IPO4: variants seen among roughly 807,000 people sequenced by gnomAD.
IPO4 encodes the protein importin-4.
Under a neutral mutation model 133.5 loss-of-function variants are expected in IPO4, and 91 were observed. That is an observed-to-expected ratio of 0.68 (90% CI 0.58 to 0.81). IPO4 has a LOEUF of 0.81. Among genes scored for constraint, IPO4 ranks in the 30% least tolerant of loss-of-function variants. The pLI is 0.00. For synonymous variants in IPO4, 607 were observed against 581.6 expected (o/e 1.04, Z -0.63); for missense variants, 1,279 against 1,386.2 (o/e 0.92, Z 1.23).
At position 24,186,977 on chromosome 14, in the gene IPO4, T is replaced by C. The variant is rs779935245; in HGVS notation, c.657A>G (p.Ala219=). The C allele has an allele frequency of 2.5e-6, 4 of 1,614,076 alleles. No homozygotes were observed. The highest frequency in any genetic ancestry group is 3.4e-6 in the Non-Finnish European group (4 of 1,179,930). Residue 219 remains alanine, a splice_region_variant and synonymous_variant, in exon 8 of 30, where the codon GCA becomes GCG. Coordinates refer to ENST00000354464, the MANE Select transcript of IPO4 (RefSeq NM_024658.4). ...AAGCCTCAAGGGCCTCACAGGCCTT[T>C]GCCTGACAGACAAACAAGGCACAAG... ...AMQTLIPIDE[A]KACEALEALD...
rs945051226 is a variant in IPO4 at position 24,185,197 on chromosome 14, A to C, written c.1394T>G (p.Phe465Cys). 3.7e-6 allele frequency: 6 copies of C among 1,613,900 alleles called. No individual in the cohort carries two copies. The African/African-American group carries it at 8.0e-5, about 22-fold the overall frequency. ...GCCATCACTACCTAGGTTCTCCACA[A>C]AATTCTCCAGGGCATAGCAGGCCTT... ...LAKACYALEN[F>C]VENLGPKVQP... Residue 465 changes from phenylalanine (F) to cysteine (C), a missense_variant, in exon 14 of 30, where the codon TTT (phenylalanine) becomes TGT (cysteine). Physicochemically the swap from Phe to Cys is radical, Grantham distance 205 (BLOSUM62 -2). Coordinates refer to ENST00000354464, the MANE Select transcript of IPO4 (RefSeq NM_024658.4).
rs373722960 is a variant in IPO4, at chr14:24,182,809, C to T, written c.2455G>A (p.Glu819Lys). ...GCTCTCACCTGATCATCATCTTCCT[C>T]TTCCTCCTCCTCGTCAGTATCCTGA... ...ACQDTDEEEE[E>K]EDDDQAEYDA... Residue 819 changes from glutamate (E) to lysine (K), a missense_variant, in exon 24 of 30, where the codon GAG becomes AAG. By Grantham distance (56) the Glu-to-Lys change is moderately conservative (BLOSUM62 1). Around this residue, in one of 3 missense-constraint regions of IPO4, gnomAD observed 575 missense variants for 653.4 expected, o/e 0.88. Coordinates refer to ENST00000354464, the MANE Select transcript of IPO4 (RefSeq NM_024658.4). The T allele has an allele frequency of 6.2e-7, 1 of 1,614,122 alleles. No homozygotes were observed. Among genetic ancestry groups the T allele is most frequent in the Non-Finnish European group, 8.5e-7 (1 of 1,180,030 alleles).
chr14:24,186,675 T>G, intron 9 of IPO4, 33 bp downstream of exon 9: 1 of 1,567,558 alleles, frequency 6.4e-7, no homozygotes, highest in East Asian at 2.2e-5. Context: ...GAGATGGGGG[T>G]GGGGTGATGT....
At chr14:24,186,220 A>G in intron 10 of IPO4, 38 bp from the exon 11 acceptor site, 2 of 1,610,844 alleles carry the variant, frequency 1.2e-6, no homozygotes, top group Non-Finnish European at 1.7e-6. Flanking sequence ...GCTTGACTCC[A>G]TCTCTGCCTC....
At chr14:24,184,474 A>G in intron 16 of IPO4, 56 bp from the exon 17 acceptor site, 6 of 1,570,950 alleles carry the variant, frequency 3.8e-6, no homozygotes, top group Non-Finnish European at 5.2e-6. Flanking sequence ...TACGGGACCA[A>G]AGGTGGTGGC....
At chr14:24,180,601 G>C in intron 29 of IPO4, 29 bp from the exon 30 acceptor site, 1 of 1,612,236 alleles carries the variant, frequency 6.2e-7, no homozygotes, top group Non-Finnish European at 8.5e-7. Flanking sequence ...AGAAAGGTCG[G>C]GGCTCCTAAA....
chr14:24,186,553 T>C (rs1041774711), intron 9 of IPO4, 102 bp from the exon 10 acceptor site: 1 of 1,433,892 alleles, frequency 7.0e-7, no homozygotes, highest in South Asian at 1.3e-5. Context: ...TGACAGAAAA[T>C]TCCCAACCTC....
chr14:24,180,737 G>A lies in IPO4; in HGVS notation c.3067C>T (p.Leu1023Phe). The A allele has an allele frequency of 6.2e-7, 1 of 1,614,060 alleles. No individual in the cohort carries two copies. Among genetic ancestry groups the A allele is most frequent in the Non-Finnish European group, 8.5e-7 (1 of 1,180,028 alleles). The stretch of plus-strand genomic sequence containing the variant: ...AGAATGAGGCTGCAGATACGCAGAA[G>A]CTCGGGAGCCACATCTATAACCTGT... ...PDQVIDVAPE[L>F]LRICSLILAD... Residue 1023 changes from leucine to phenylalanine, a missense_variant, in exon 29 of 30, where the codon CTT (leucine) becomes TTT (phenylalanine). By Grantham distance (22) the Leu-to-Phe change is conservative (BLOSUM62 0). Transcript: ENST00000354464.
chr14:24,188,294 G>T, intron 3 of IPO4, 37 bp from the exon 4 acceptor site: 3 of 1,613,042 alleles, frequency 1.9e-6, no homozygotes, highest in Non-Finnish European at 2.5e-6. Flanking sequence ...TACCCAGCCT[G>T]CCCAAGAAAA....
Position 24,185,463 on chromosome 14 carries a change from A to G in IPO4, c.1274T>C (p.Leu425Pro). The G allele has an allele frequency of 6.2e-7, 1 of 1,614,056 alleles. No homozygotes were observed. Among genetic ancestry groups the G allele is most frequent in the Non-Finnish European group, 8.5e-7 (1 of 1,179,906 alleles). The change falls in exon 13 of 30, where the codon CTA becomes CCA. Residue 425 changes from leucine to proline, a missense_variant. Leu to Pro is a moderately conservative substitution (Grantham distance 98). Transcript: ENST00000354464. Reference protein sequence around the residue: ...LFALGQFSENLQPHISSYSRE... With the variant: ...LFALGQFSENPQPHISSYSRE... ...CCCACATTCAGCCTGGTTCACCTGT[A>G]GGTTTTCTGAGAACTGGCCCAGGGC...
At position 24,180,501 on chromosome 14, in the gene IPO4, G is replaced by T. The variant is rs1433731453; in HGVS notation, c.3187C>A (p.Leu1063Met). ...GCCTTGTCAACAGGCAGTGAGCCCA[G>T]AGCTGCTTGAAAGCTGTCGGTGTGC... ...KQHTDSFQAALGSLPVDKAQE... is the reference protein window; with the variant it reads ...KQHTDSFQAAMGSLPVDKAQE... Residue 1063 changes from leucine to methionine, a missense_variant, in exon 30 of 30, where the codon CTG (leucine) becomes ATG (methionine). This residue lies in a region of IPO4 where 575 missense variants were observed against 653.4 expected (regional missense o/e 0.88). Transcript: ENST00000354464. 1 of 1,614,062 alleles carries T rather than the reference G, an allele frequency of 6.2e-7. No homozygotes were observed. Among genetic ancestry groups the T allele is most frequent in the Admixed American group, 1.7e-5 (1 of 60,012 alleles).
intron 25 of IPO4, 26 bp downstream of exon 25, chr14:24,182,252 C>A: frequency 6.2e-7 from 1 of 1,614,114 alleles, no homozygotes. Context: ...GGGACTAGGG[C>A]TTGAAGCCAG....
chr14:24,183,697 C>G (rs770798037), intron 19 of IPO4, 30 bp from the exon 20 acceptor site: 35 of 1,613,988 alleles, frequency 2.2e-5, no homozygotes, highest in Non-Finnish European at 3.0e-5. Context: ...CAGTGGTGAT[C>G]AGGCACCAAG....
chr14:24,180,597 G>C (rs1291431114), intron 29 of IPO4, 25 bp from the exon 30 acceptor site: 1 of 1,612,290 alleles, frequency 6.2e-7, no homozygotes, highest in Non-Finnish European at 8.5e-7. Context: ...AGGGAGAAAG[G>C]TCGGGGCTCC....
In IPO4 at chr14:24,182,101, C is replaced by T. The variant is rs2039147872; in HGVS notation, c.2661G>A (p.Gln887=). The change falls in exon 26 of 30, where the codon CAG becomes CAA. Residue 887 remains glutamine (Q), a synonymous_variant. Coordinates refer to ENST00000354464, the MANE Select transcript of IPO4 (RefSeq NM_024658.4). The part of the protein sequence containing the change: ...FAVGTLAETI[Q]GLGAASAQFV... ...ACTGGGCTGAGGCAGCACCCAGGCC[C>T]TGAATAGTCTCTGCCAAGGTCCCCA... 6.2e-7 allele frequency: 1 copy of T among 1,613,942 alleles called. No homozygotes were observed. The highest frequency in any genetic ancestry group is 8.5e-7 in the Non-Finnish European group (1 of 1,180,052).
chr14:24,186,738 G>A lies in IPO4; in HGVS notation c.810C>T (p.Cys270=), dbSNP rs779096606. 9.3e-6 allele frequency: 15 copies of A among 1,614,024 alleles called. No homozygotes were observed. Among genetic ancestry groups the A allele is most frequent in the South Asian group, 1.1e-5 (1 of 91,084 alleles). ...GNAIRIRILC[C]LTFLVKVKSK... ...TCTTGACTTTGACCAAGAAAGTGAGGCAGCAGAGAATACGTATGCGTATCG... is the reference window on the plus strand; with the variant it reads ...TCTTGACTTTGACCAAGAAAGTGAGACAGCAGAGAATACGTATGCGTATCG... The change falls in exon 9 of 30, where the codon TGC becomes TGT. Residue 270 remains cysteine, a synonymous_variant. Transcript: ENST00000354464.
chr14:24,186,915 G>GTGAT lies in IPO4; in HGVS notation c.715_718dup (p.Thr240AsnfsTer7), dbSNP rs1378680386. 6.2e-7 allele frequency: 1 copy of GTGAT among 1,614,190 alleles called. No homozygotes were observed. The highest frequency in any genetic ancestry group is 2.2e-5 in the East Asian group (1 of 44,886). ...TGTGAGGACTTCAGAGAGGTAGGGG[G>GTGAT]TGATGACCGGCACCTCTGACTCCAA... On this transcript the variant is annotated frameshift_variant, in exon 8 of 30. Transcript: ENST00000354464. LOFTEE classifies it high-confidence loss of function.
chr14:24,184,193 G>A, intron 17 of IPO4, 84 bp from the exon 18 acceptor site: 1 of 1,561,046 alleles, frequency 6.4e-7, no homozygotes, highest in Non-Finnish European at 8.7e-7. Context: ...ACCTGGCTAT[G>A]GTCCAAACCA....
chr14:24,187,915 G>T, intron 4 of IPO4, 119 bp from the exon 5 acceptor site: 1 of 1,288,756 alleles, frequency 7.8e-7, no homozygotes, highest in Non-Finnish European at 1.1e-6. Context: ...CAGGGTCTTT[G>T]CCAAGTTGGG....
Sources: gnomAD v4.1 joint callset for allele counts on GRCh38, gnomAD v4.1.1 for gene constraint, gnomAD v4.1.1 regional missense constraint, MANE v1.5 for transcripts, NCBI Gene and HGNC (gene_info 2026-07-23, HGNC 2026-07-21) for gene names.